The following SHISA9 variants were observed in gnomAD, a reference collection of about 807,000 sequenced individuals.
SHISA9 encodes protein shisa-9.
Under a neutral mutation model 38.0 loss-of-function variants are expected in SHISA9, and 13 were observed. The ratio of observed to expected loss-of-function variants is 0.34; its 90% confidence interval spans 0.22 to 0.54. SHISA9 has a LOEUF of 0.54. Among genes scored for constraint, SHISA9 ranks in the 20% least tolerant of loss-of-function variants. The pLI is 0.91. For missense variants in SHISA9, 538 were observed against 575.8 expected (o/e 0.93, Z 0.67); for synonymous variants, 275 against 242.0 (o/e 1.14, Z -1.27).
chr16:13,036,741 A>T (rs563548710), intron 2 of SHISA9, among the ~76,000 whole-genome samples: 3 of 101,548 alleles, frequency 3.0e-5, no homozygotes, highest in Admixed American at 1.0e-4. Context: ...CTTGAAGTTC[A>T]GAGGAGGAAA....
At chr16:13,019,823 T>C (rs1488010601) in intron 2 of SHISA9, among the ~76,000 whole-genome samples, 7 of 133,016 alleles carry the variant, frequency 5.3e-5, no homozygotes, top group African/African-American at 1.7e-4. Context: ...TTTCTTTCTT[T>C]CTTTCTTTCT....
the SHISA9 span, among the ~76,000 whole-genome samples, chr16:13,307,351 C>G: frequency 6.6e-6 from 1 of 152,170 alleles, no homozygotes; most frequent in Admixed American, 6.5e-5. Context: ...TTTTCTGCTG[C>G]TATTTCCTCC....
At chr16:13,473,349 CTTTTTTTT>C in the SHISA9 span, among the ~76,000 whole-genome samples, 2 of 73,904 alleles carry the variant, frequency 2.7e-5, no homozygotes, top group South Asian at 5.8e-4. Context: ...TTCTTTCTTT[CTTTTTTTT>C]TTTTTTTTTT....
intron 2 of SHISA9, among the ~76,000 whole-genome samples, chr16:13,119,113 C>G (rs543777619): frequency 9.2e-5 from 14 of 151,588 alleles, no homozygotes; most frequent in Non-Finnish European, 1.9e-4. Flanking sequence ...GGTGATCCGC[C>G]CACTTCGGCC....
chr16:13,089,307 T>C (rs2073748542), intron 2 of SHISA9, among the ~76,000 whole-genome samples: 1 of 152,254 alleles, frequency 6.6e-6, no homozygotes, highest in South Asian at 2.1e-4. Flanking sequence ...AGGATGATGG[T>C]GGCCTCATAA....
chr16:13,275,634 T>C, the SHISA9 span, among the ~76,000 whole-genome samples: 2 of 152,120 alleles, frequency 1.3e-5, no homozygotes, highest in African/African-American at 4.8e-5. Context: ...CTCTTCTCTA[T>C]TTTCTGAAAG....
At chr16:12,935,844 G>A (rs975933489) in intron 2 of SHISA9, among the ~76,000 whole-genome samples, 1 of 103,482 alleles carries the variant, frequency 9.7e-6, no homozygotes, top group Admixed American at 1.1e-4. Flanking sequence ...ACAAGAGCCT[G>A]TCTCAAAAAG....
the SHISA9 span, among the ~76,000 whole-genome samples, chr16:13,320,466 CTT>C: frequency 7.2e-5 from 11 of 152,086 alleles, no homozygotes; most frequent in African/African-American, 2.4e-4. Context: ...ATGTTAAACT[CTT>C]TGGGTGCTAG....
the SHISA9 span, among the ~76,000 whole-genome samples, chr16:13,502,366 G>A: frequency 0.11 from 17,210 of 152,166 alleles, 1,077 homozygotes; most frequent in African/African-American, 0.17. Flanking sequence ...CGTGCCAGAC[G>A]TAGCCTTCAC....
chr16:13,064,801 A>AT (rs1198287707), intron 2 of SHISA9, among the ~76,000 whole-genome samples: 1 of 150,340 alleles, frequency 6.7e-6, no homozygotes, highest in Non-Finnish European at 1.5e-5. Context: ...AAAAAAAAAA[A>AT]GAAAAAAAGA....
chr16:13,036,279 T>C (rs1471922294), intron 2 of SHISA9, among the ~76,000 whole-genome samples: 1 of 152,246 alleles, frequency 6.6e-6, no homozygotes, highest in African/African-American at 2.4e-5. Context: ...ACTTGTGTGA[T>C]ATATTTTAAC....
chr16:12,913,215 G>C (rs535517672), intron 1 of SHISA9, among the ~76,000 whole-genome samples: 4 of 152,076 alleles, frequency 2.6e-5, no homozygotes. Context: ...GGGAGGAGGG[G>C]GACTGAGTTT....
At chr16:13,074,423 T>C (rs1209831205) in intron 2 of SHISA9, among the ~76,000 whole-genome samples, 1 of 152,144 alleles carries the variant, frequency 6.6e-6, no homozygotes, top group Non-Finnish European at 1.5e-5. Flanking sequence ...CACCCAAGGA[T>C]CAGCCCAAGG....
chr16:13,093,153 G>A (rs2073792447), intron 2 of SHISA9, among the ~76,000 whole-genome samples: 1 of 152,112 alleles, frequency 6.6e-6, no homozygotes, highest in East Asian at 1.9e-4. Flanking sequence ...TGAGGAACAT[G>A]GGGCAGCCAG....
chr16:13,304,328 G>A, the SHISA9 span, among the ~76,000 whole-genome samples: 2 of 152,180 alleles, frequency 1.3e-5, no homozygotes, highest in African/African-American at 2.4e-5. Context: ...GCATGATCAC[G>A]GCTCACCGTG....
At chr16:13,175,062 G>A (rs540272795) in intron 2 of SHISA9, among the ~76,000 whole-genome samples, 203 of 152,154 alleles carry the variant, frequency 1.3e-3, no homozygotes, top group African/African-American at 4.4e-3. Flanking sequence ...TTCACTTTCC[G>A]TCTTTTAAAA....
At chr16:12,981,708 C>G (rs558836213) in intron 2 of SHISA9, among the ~76,000 whole-genome samples, 2 of 152,258 alleles carry the variant, frequency 1.3e-5, no homozygotes, top group South Asian at 4.1e-4. Context: ...CTGCCAGTAT[C>G]TCACAATGTG....
chr16:13,412,418 T>C, the SHISA9 span, among the ~76,000 whole-genome samples: 1 of 152,104 alleles, frequency 6.6e-6, no homozygotes, highest in Non-Finnish European at 1.5e-5. Context: ...TCAATTCTCT[T>C]TCTTTCTTCT....
chr16:12,960,698 T>C (rs1215237690), intron 2 of SHISA9, among the ~76,000 whole-genome samples: 1 of 152,208 alleles, frequency 6.6e-6, no homozygotes, highest in African/African-American at 2.4e-5. Flanking sequence ...TTCTCACTTT[T>C]AAGTGGGAGC....
Sources: allele counts gnomAD v4.1 joint callset (sites outside exome capture counted in the v4.1 genomes callset), GRCh38; gene constraint gnomAD v4.1.1; transcripts MANE v1.5; gene names NCBI Gene and HGNC (gene_info 2026-07-23, HGNC 2026-07-21).